CEP290: variants seen among roughly 807,000 people sequenced by gnomAD.
CEP290 encodes centrosomal protein of 290 kDa.
A neutral mutation model predicts 344.9 loss-of-function variants in CEP290; 317 were observed. The ratio of observed to expected loss-of-function variants is 0.92; its 90% CI spans 0.84 to 1.01. The LOEUF (loss-of-function observed/expected upper bound fraction) is 1.01. Among genes scored for constraint, CEP290 ranks in the 50% least tolerant of loss-of-function variants. CEP290 has a pLI of 0.00. For synonymous variants in CEP290, 932 were observed against 895.8 expected, an observed-to-expected ratio of 1.04 and a Z score of -0.72; for missense variants, 2,754 against 2,761.4, an observed-to-expected ratio of 1.00 and a Z score of 0.06.
intron 18 of CEP290, chr12:88,115,564 T>G (rs913445722): frequency 1.6e-6 from 2 of 1,289,374 alleles, no homozygotes; most frequent in African/African-American, 1.5e-5. Context: ...TGTGCTATGA[T>G]TTCATTCTAA....
intron 28 of CEP290, among the ~76,000 whole-genome samples, chr12:88,093,086 T>C (rs1460477533): frequency 6.6e-6 from 1 of 152,160 alleles, no homozygotes; most frequent in African/African-American, 2.4e-5. Context: ...TAATAATATC[T>C]GAACTTGCAA....
At chr12:88,099,327 C>T (rs981983189) in intron 26 of CEP290, among the ~76,000 whole-genome samples, 1 of 152,088 alleles carries the variant, frequency 6.6e-6, no homozygotes, top group African/African-American at 2.4e-5. Flanking sequence ...ATCAGGAGTT[C>T]ATTGTGGACA....
At chr12:88,141,478 G>A in intron 1 of CEP290, 144 bp from the exon 2 acceptor site, 3 of 453,644 alleles carry the variant, frequency 6.6e-6, no homozygotes, top group Admixed American at 4.3e-5. Context: ...TAGACAAGTG[G>A]GCAAAATAGC....
chr12:88,125,200 T>A, intron 13 of CEP290, 46 bp downstream of exon 13: 1 of 579,728 alleles, frequency 1.7e-6, no homozygotes, highest in South Asian at 5.5e-5. Context: ...ATAAAGTCGT[T>A]AAAAACATAA....
chr12:88,091,590 C>CA (rs1248975821), intron 29 of CEP290, among the ~76,000 whole-genome samples: 1 of 151,806 alleles, frequency 6.6e-6, no homozygotes, highest in East Asian at 1.9e-4. Flanking sequence ...TTGCCAGTTG[C>CA]ATGATTAACA....
At chr12:88,121,561 T>G (rs997465612) in intron 13 of CEP290, among the ~76,000 whole-genome samples, 2 of 150,920 alleles carry the variant, frequency 1.3e-5, no homozygotes, top group African/African-American at 2.4e-5. Flanking sequence ...CAAGCAGCTA[T>G]GTGTGGTCAT....
At position 88,055,637 on chromosome 12, in the gene CEP290, A is replaced by G; in HGVS notation, c.6899T>C (p.Val2300Ala). 1.9e-6 allele frequency: 3 copies of G among 1,575,152 alleles called. No homozygotes were observed. The highest frequency in any genetic ancestry group is 2.6e-6 in the Non-Finnish European group (3 of 1,159,880). The change falls in exon 50 of 54, where the codon GTA (valine) becomes GCA (alanine). Residue 2300 changes from valine (V) to alanine (A), a missense_variant. By Grantham distance (64) the Val-to-Ala change is moderately conservative. Transcript: ENST00000552810. Reference sequence around the variant, plus strand: ...TTGTTCTCTCTCTGTTGCTTCTTTTACAAGCTGTTTAAGGTCAGTAATGCT... The same window carrying G: ...TTGTTCTCTCTCTGTTGCTTCTTTTGCAAGCTGTTTAAGGTCAGTAATGCT... ...NQSITDLKQL[V>A]KEATEREQKV...
chr12:88,111,798 CT>C lies in CEP290; in HGVS notation c.2112del (p.Val705LeufsTer11), dbSNP rs863225183. ...TCATTTCTTCCGGTAAGCTGATCAA[CT>C]TGGGCTTTCAAATGCAGACTCGCAT... is the stretch of plus-strand genomic sequence containing the variant. ...IFDASLHLKA[Q>X]VDQLTGRNEE... On this transcript the variant is annotated frameshift_variant, in exon 21 of 54. Coordinates refer to ENST00000552810, the MANE Select transcript of CEP290 (RefSeq NM_025114.4). LOFTEE classifies it high-confidence loss of function. 3.1e-6 allele frequency: 5 copies of C among 1,606,598 alleles called. No individual in the cohort carries two copies. The highest frequency in any genetic ancestry group is 4.2e-6 in the Non-Finnish European group (5 of 1,176,900).
In CEP290 at chr12:88,126,368, A is replaced by C; in HGVS notation, c.1013T>G (p.Leu338Arg). 1 of 1,512,386 alleles carries C rather than the reference A, an allele frequency of 6.6e-7. No homozygotes were observed. The highest frequency in any genetic ancestry group is 8.8e-7 in the Non-Finnish European group (1 of 1,135,316). The allele number at this position is 1,512,386 out of a possible 1,614,324, so 93.7% of individuals were successfully genotyped here. The change falls in exon 12 of 54, where the codon CTT (leucine) becomes CGT (arginine). Residue 338 changes from leucine (L) to arginine (R), a missense_variant. Physicochemically the swap from Leu to Arg is moderately radical, Grantham distance 102. Coordinates refer to ENST00000552810, the MANE Select transcript of CEP290 (RefSeq NM_025114.4). ...QQMLHNLREK[L>R]KNAQLDADKS... Reference sequence around the variant, plus strand: ...ATCAGCATCAAGCTGAGCATTCTTAAGTTTCTCCCTTAGGTTATGTAACAT... The same window carrying C: ...ATCAGCATCAAGCTGAGCATTCTTACGTTTCTCCCTTAGGTTATGTAACAT...
intron 25 of CEP290, among the ~76,000 whole-genome samples, chr12:88,105,718 C>A (rs1166170181): frequency 1.3e-5 from 2 of 150,166 alleles, no homozygotes; most frequent in African/African-American, 5.0e-5. Context: ...ATATGGTTAT[C>A]TTTTCTTCTT....
chr12:88,126,401 T>C lies in CEP290; in HGVS notation c.980A>G (p.Tyr327Cys), dbSNP rs748165819. The change falls in exon 12 of 54, where the codon TAT (tyrosine) becomes TGT (cysteine). Residue 327 changes from tyrosine to cysteine, a missense_variant. Physicochemically the swap from Tyr to Cys is radical, Grantham distance 194 (BLOSUM62 -2). Transcript: ENST00000552810. ...CCTTAGGTTATGTAACATTTGCTGA[T>C]ACTCAATAATTTCATCATCTTTAGA... The part of the protein sequence containing the change: ...LSSKDDEIIE[Y>C]QQMLHNLREK... The C allele has an allele frequency of 1.3e-6, 2 of 1,517,236 alleles. No individual in the cohort carries two copies. The highest frequency in any genetic ancestry group is 1.4e-5 in the African/African-American group (1 of 69,718). The allele number at this position is 1,517,236 out of a possible 1,614,324, so 94.0% of individuals were successfully genotyped here.
chr12:88,130,215 G>A, intron 9 of CEP290, 53 bp downstream of exon 9: 3 of 1,480,724 alleles, frequency 2.0e-6, no homozygotes, highest in Non-Finnish European at 2.7e-6. Flanking sequence ...ACATTGTAAT[G>A]AAATTAAAGT....
At chr12:88,055,808 C>G in intron 49 of CEP290, 91 bp from the exon 50 acceptor site, 6 of 872,878 alleles carry the variant, frequency 6.9e-6, no homozygotes, top group Non-Finnish European at 1.0e-5. Context: ...TAAAAATAAG[C>G]AAGAATATCT....
chr12:88,062,902 T>C (rs1313598804), intron 45 of CEP290, 124 bp from the exon 46 acceptor site: 1 of 602,992 alleles, frequency 1.7e-6, no homozygotes, highest in Non-Finnish European at 2.9e-6. Context: ...TAATAGGGTC[T>C]CTATATTAAC....
chr12:88,112,852 T>C (rs1180513693), intron 20 of CEP290, among the ~76,000 whole-genome samples: 1 of 152,128 alleles, frequency 6.6e-6, no homozygotes, highest in African/African-American at 2.4e-5. Flanking sequence ...GTACTCTGAC[T>C]GACAACAAGG....
intron 41 of CEP290, among the ~76,000 whole-genome samples, chr12:88,075,321 G>A (rs559660644): frequency 3.9e-5 from 6 of 152,216 alleles, no homozygotes; most frequent in African/African-American, 1.4e-4. Flanking sequence ...GAAGAGGGAA[G>A]AAGACTGGAT....
Position 88,131,134 on chromosome 12 carries a change from T to A in CEP290, c.495+31A>T. 2.0e-6 allele frequency: 3 copies of A among 1,469,156 alleles called. No homozygotes were observed. The South Asian group carries it at 4.3e-5, about 21-fold the overall frequency. The allele number at this position is 1,469,156 out of a possible 1,614,324, so 91.0% of individuals were successfully genotyped here. The stretch of plus-strand genomic sequence containing the variant: ...GTACTTATTTTAATAAGTACCTTTG[T>A]TGAACCACCACAACTACTAAAATTT... On this transcript the variant is annotated intron_variant, in intron 7 of 53. Transcript: ENST00000552810.
chr12:88,060,424 T>G (rs568965633), intron 47 of CEP290, among the ~76,000 whole-genome samples: 1 of 152,236 alleles, frequency 6.6e-6, no homozygotes, highest in East Asian at 1.9e-4. Context: ...CCAGGCGTGG[T>G]GGTGGGCACC....
chr12:88,079,469 G>T (rs953788487), intron 38 of CEP290, among the ~76,000 whole-genome samples: 4 of 152,038 alleles, frequency 2.6e-5, no homozygotes, highest in African/African-American at 9.7e-5. Flanking sequence ...ATGATTTTGA[G>T]AACTCAGCAT....
Sources: gnomAD v4.1 joint callset for allele counts (sites outside exome capture counted in the v4.1 genomes callset) on GRCh38, gnomAD v4.1.1 for gene constraint, MANE v1.5 for transcripts, NCBI Gene and HGNC (gene_info 2026-07-23, HGNC 2026-07-21) for gene names.